Variants in C3orf85 observed in about 807,000 individuals in gnomAD.
The protein encoded by C3orf85 is chromosome 3 open reading frame 85, also known as uncharacterized protein C3orf85.
C3orf85 carries 1 observed loss-of-function variant against 1.7 expected under a neutral mutation model. The observed-to-expected ratio is 0.60, with a 90% CI of 0.21 to 2.86. The LOEUF (loss-of-function observed/expected upper bound fraction) is 2.86. C3orf85 is among the 30% of genes most tolerant of loss of function. C3orf85 has a pLI of 0.22. For missense variants in C3orf85, 29 were observed against 21.3 expected (o/e 1.36, Z -0.72); for synonymous variants, 17 against 8.0 (o/e 2.13, Z -1.90).
intron 2 of C3orf85, among the ~76,000 whole-genome samples, chr3:109,147,859 T>C (rs2107836846): frequency 6.6e-6 from 1 of 152,312 alleles, no homozygotes; most frequent in Non-Finnish European, 1.5e-5. Flanking sequence ...ATCCAGTCCT[T>C]ACAGCAAGTG....
intron 2 of C3orf85, among the ~76,000 whole-genome samples, chr3:109,147,413 C>T (rs1706812510): frequency 1.3e-5 from 2 of 152,128 alleles, no homozygotes; most frequent in African/African-American, 4.8e-5. Flanking sequence ...ACATTACTCA[C>T]AATTAGATGT....
At position 109,148,255 on chromosome 3, in the gene C3orf85, G is replaced by A. The variant is rs113450306; in HGVS notation, c.52G>A (p.Ala18Thr). Residue 18 changes from alanine (A) to threonine (T), a missense_variant and splice_region_variant, in exon 3 of 4, where the codon GCA becomes ACA. Ala to Thr is a moderately conservative substitution (Grantham distance 58). Transcript: ENST00000622536. ...VVLCSTLLIG[A>T]LGAPFLLEDP... ...TGCTCTTGGACTCTAAATTGCAGGA[G>A]CATTGGGAGCGCCATTTTTGTTGGA... The A allele has an allele frequency of 5.6e-5, 39 of 701,932 alleles. No individual in the cohort carries two copies. The highest frequency in any genetic ancestry group is 3.8e-4 in the African/African-American group (22 of 57,340). The allele number at this position is 701,932 out of a possible 1,614,324, so 43.5% of individuals were successfully genotyped here. A position where few individuals can be genotyped will look rare whatever the true frequency, so the allele number is the denominator to read the frequency against.
chr3:109,137,713 G>C (rs1203224804), intron 2 of C3orf85, among the ~76,000 whole-genome samples: 1 of 143,506 alleles, frequency 7.0e-6, no homozygotes, highest in Non-Finnish European at 1.5e-5. Flanking sequence ...TTTTAATAAT[G>C]AGTTTTAATC....
intron 2 of C3orf85, among the ~76,000 whole-genome samples, chr3:109,137,374 C>T (rs929625971): frequency 4.0e-5 from 6 of 151,754 alleles, no homozygotes; most frequent in African/African-American, 7.3e-5. Context: ...CAAAATGACC[C>T]GGTAACTCAG....
At chr3:109,149,336 T>C in intron 3 of C3orf85, 1 of 152,346 alleles carries the variant, frequency 6.6e-6, no homozygotes, top group East Asian at 1.9e-4. Flanking sequence ...CAGGATCTGC[T>C]TGTTTTGCAC....
At position 109,137,375 on chromosome 3, in the gene C3orf85, G is replaced by A. The variant is rs191864066; in HGVS notation, c.49+479G>A. 2.6e-5 allele frequency among the ~76,000 whole-genome samples: 4 copies of A among 151,824 alleles called. No homozygotes were observed. In the East Asian group the frequency reaches 5.8e-4, roughly 22 times the overall value. On this transcript the variant is annotated intron_variant, in intron 2 of 3. Transcript: ENST00000622536. ...AGGCGATTTGCTGCCAAAATGACCC[G>A]GTAACTCAGTGGCTTCTATCAAAAT...
chr3:109,139,715 C>T (rs1023523146), intron 2 of C3orf85, among the ~76,000 whole-genome samples: 4 of 152,206 alleles, frequency 2.6e-5, no homozygotes, highest in East Asian at 1.9e-4. Context: ...ATACACGAAA[C>T]GATTTGGGGG....
In C3orf85 at chr3:109,142,028, C is replaced by T. The variant is rs887922724; in HGVS notation, c.49+5132C>T. ...TGGGCAATAAAGCAAGACTACATCTCAAAAAAAAAAATTACTTAACAAAGA... is the reference window on the plus strand; with the variant it reads ...TGGGCAATAAAGCAAGACTACATCTTAAAAAAAAAAATTACTTAACAAAGA... On this transcript the variant is annotated intron_variant, in intron 2 of 3. Transcript: ENST00000622536. Among the ~76,000 whole-genome samples, 8 of 146,066 alleles carry T rather than the reference C, an allele frequency of 5.5e-5. No homozygotes were observed. The South Asian group carries it at 1.5e-3, about 28-fold the overall frequency.
intron 2 of C3orf85, among the ~76,000 whole-genome samples, chr3:109,142,348 A>G (rs1381300208): frequency 1.3e-5 from 2 of 152,238 alleles, no homozygotes. Flanking sequence ...CAATAAAAAT[A>G]GTAAACAATA....
intron 2 of C3orf85, among the ~76,000 whole-genome samples, chr3:109,141,191 T>C (rs1036593253): frequency 2.6e-5 from 4 of 152,154 alleles, no homozygotes; most frequent in African/African-American, 9.6e-5. Context: ...TTCACCATGT[T>C]GCCCATTCTG....
chr3:109,147,822 A>C (rs1706817067), intron 2 of C3orf85, among the ~76,000 whole-genome samples: 2 of 152,184 alleles, frequency 1.3e-5, no homozygotes, highest in South Asian at 4.1e-4. Context: ...GCCTAGTTTG[A>C]GCCAGATAGT....
intron 2 of C3orf85, among the ~76,000 whole-genome samples, chr3:109,146,091 C>G (rs1331910948): frequency 6.6e-6 from 1 of 152,172 alleles, no homozygotes; most frequent in Non-Finnish European, 1.5e-5. Flanking sequence ...TATATGAACT[C>G]TGACTATAAT....
chr3:109,145,157 C>T (rs910067728), intron 2 of C3orf85, among the ~76,000 whole-genome samples: 3 of 152,152 alleles, frequency 2.0e-5, no homozygotes, highest in South Asian at 2.1e-4. Flanking sequence ...CCTCTGATCT[C>T]GTGTCCCTCA....
chr3:109,147,422 G>A (rs553370506), intron 2 of C3orf85, among the ~76,000 whole-genome samples: 50 of 152,268 alleles, frequency 3.3e-4, no homozygotes, highest in Non-Finnish European at 5.7e-4. Context: ...ACAATTAGAT[G>A]TTGTAATAAA....
chr3:109,149,996 G>A lies in C3orf85; in HGVS notation c.*102G>A. 2.6e-6 allele frequency: 1 copy of A among 383,928 alleles called. No individual in the cohort carries two copies. The allele number at this position is 383,928 out of a possible 1,614,324, so 23.8% of individuals were successfully genotyped here. On this transcript the variant is annotated 3_prime_UTR_variant, in exon 4 of 4. Transcript: ENST00000622536. ...AGAGATCTGAGGGTATATCCATGCT[G>A]TTTACTACATTATTTATTATGTCTG...
intron 2 of C3orf85, among the ~76,000 whole-genome samples, chr3:109,145,928 T>A (rs920062785): frequency 6.6e-6 from 1 of 152,196 alleles, no homozygotes; most frequent in African/African-American, 2.4e-5. Context: ...CTAGAATACA[T>A]GCGCTTTGCT....
intron 3 of C3orf85, chr3:109,149,026 C>G (rs1053538981): frequency 1.3e-5 from 2 of 152,070 alleles, no homozygotes; most frequent in Non-Finnish European, 2.9e-5. Context: ...CTTTTTTATT[C>G]TATATTTACT....
intron 2 of C3orf85, among the ~76,000 whole-genome samples, chr3:109,142,551 C>T (rs1381838207): frequency 6.6e-6 from 1 of 152,176 alleles, no homozygotes; most frequent in Non-Finnish European, 1.5e-5. Context: ...TCCTATGGAT[C>T]TGCCCAGATA....
At chr3:109,139,555 A>G (rs539958051) in intron 2 of C3orf85, among the ~76,000 whole-genome samples, 12 of 152,350 alleles carry the variant, frequency 7.9e-5, no homozygotes, top group Non-Finnish European at 1.6e-4. Context: ...TTTGAACGCT[A>G]TTAAGATTTA....
Sources: gnomAD v4.1 joint callset for allele counts (sites outside exome capture counted in the v4.1 genomes callset) on GRCh38, gnomAD v4.1.1 for gene constraint, MANE v1.5 for transcripts, NCBI Gene and HGNC (gene_info 2026-07-23, HGNC 2026-07-21) for gene names.